Variants in ATG5 observed in about 807,000 individuals in gnomAD.
ATG5 encodes autophagy protein 5.
ATG5 carries 14 observed loss-of-function variants against 36.5 expected under a neutral mutation model. The ratio of observed to expected loss-of-function variants is 0.38; its 90% CI spans 0.25 to 0.60. The LOEUF (loss-of-function observed/expected upper bound fraction) is 0.60, where lower values mean the gene tolerates loss of function less well. Among genes scored for constraint, ATG5 ranks in the 20% least tolerant of loss-of-function variants. The pLI is 0.60. For missense variants in ATG5, 195 were observed against 326.7 expected, an observed-to-expected ratio of 0.60 and a Z score of 3.11; for synonymous variants, 95 against 101.5, an observed-to-expected ratio of 0.94 and a Z score of 0.38.
chr6:106,252,107 C>T (rs1379120140), intron 5 of ATG5, among the ~76,000 whole-genome samples: 5 of 152,172 alleles, frequency 3.3e-5, no homozygotes, highest in African/African-American at 9.7e-5. Context: ...TCCCAAAGTG[C>T]TGGATTACAG....
rs1430967279 is a variant in ATG5, at chr6:106,199,947, T to G, written c.691+2025A>C. Among the ~76,000 whole-genome samples, 4 of 152,260 alleles carry G rather than the reference T, an allele frequency of 2.6e-5. No homozygotes were observed. In the East Asian group the frequency reaches 7.7e-4, roughly 29 times the overall value. ...TTCAAGGAAGACTTTATAAAATGTA[T>G]TTATAACCTCTTAAATCCTGTTCAG... On this transcript the variant is annotated intron_variant, in intron 7 of 7. Coordinates refer to ENST00000369076, the MANE Select transcript of ATG5 (RefSeq NM_004849.4).
chr6:106,186,893 T>C (rs1179022914), intron 7 of ATG5, among the ~76,000 whole-genome samples: 1 of 152,222 alleles, frequency 6.6e-6, no homozygotes, highest in East Asian at 1.9e-4. Flanking sequence ...AAAAATTCTG[T>C]TGCTGTATGT....
rs57955030 is a variant in ATG5, at chr6:106,206,648, C to CA, written c.574-4560dup. Among the ~76,000 whole-genome samples, 654 of 118,114 alleles carry CA rather than the reference C, an allele frequency of 5.5e-3. 2 individuals carry two copies. Among genetic ancestry groups the CA allele is most frequent in the African/African-American group, 0.011 (360 of 32,430 alleles). The allele number at this position is 118,114 out of a possible 152,430, so 77.5% of individuals were successfully genotyped here. ...CTGGGCAACAAGAGGGAAACTGTCT[C>CA]AAAAAAAAAAAAAAAAAGTACACAC... On this transcript the variant is annotated intron_variant, in intron 6 of 7. Transcript: ENST00000369076.
At chr6:106,293,695 T>G (rs1780417473) in intron 3 of ATG5, among the ~76,000 whole-genome samples, 2 of 152,216 alleles carry the variant, frequency 1.3e-5, no homozygotes, top group African/African-American at 4.8e-5. Context: ...CCACTGAATA[T>G]TCTTCTGAAA....
chr6:106,238,299 A>G (rs1777977802), intron 6 of ATG5, among the ~76,000 whole-genome samples: 1 of 152,202 alleles, frequency 6.6e-6, no homozygotes, highest in Non-Finnish European at 1.5e-5. Flanking sequence ...CATACTTTTA[A>G]GCACAGATTC....
intron 2 of ATG5, 140 bp downstream of exon 2, chr6:106,315,961 T>C: frequency 1.6e-6 from 1 of 632,832 alleles, no homozygotes; most frequent in Non-Finnish European, 2.7e-6. Flanking sequence ...TTTATGCTTA[T>C]CTGTGTTAAT....
At chr6:106,279,904 AGT>A (rs1779811637) in intron 4 of ATG5, 81 bp from the exon 5 acceptor site, 5 of 948,856 alleles carry the variant, frequency 5.3e-6, no homozygotes, top group Non-Finnish European at 4.3e-6. Context: ...TATATCCCCC[AGT>A]TTTTCAATAT....
chr6:106,309,313 T>C (rs1770561251), intron 2 of ATG5, among the ~76,000 whole-genome samples: 1 of 152,162 alleles, frequency 6.6e-6, no homozygotes, highest in South Asian at 2.1e-4. Flanking sequence ...CTGACAAATA[T>C]ATACAGAAAG....
At chr6:106,197,955 C>T (rs1776266214) in intron 7 of ATG5, among the ~76,000 whole-genome samples, 1 of 152,052 alleles carries the variant, frequency 6.6e-6, no homozygotes, top group Non-Finnish European at 1.5e-5. Flanking sequence ...AGTGCTGCCA[C>T]GGACAGGTAA....
At chr6:106,276,325 A>G (rs1353602992) in intron 5 of ATG5, among the ~76,000 whole-genome samples, 1 of 152,056 alleles carries the variant, frequency 6.6e-6, no homozygotes, top group Non-Finnish European at 1.5e-5. Flanking sequence ...TTAGCCAGGC[A>G]CGGTGGCAGC....
chr6:106,289,394 T>C (rs1780212615), intron 4 of ATG5, among the ~76,000 whole-genome samples: 3 of 150,404 alleles, frequency 2.0e-5, no homozygotes, highest in African/African-American at 4.9e-5. Context: ...TGGAACTTAG[T>C]ATATACAGAA....
At chr6:106,203,787 C>T (rs909451727) in intron 6 of ATG5, among the ~76,000 whole-genome samples, 21 of 152,228 alleles carry the variant, frequency 1.4e-4, no homozygotes, top group Admixed American at 7.2e-4. Flanking sequence ...CACTATGTTG[C>T]CCAGGCTGCC....
Position 106,186,518 on chromosome 6 carries a change from G to A in ATG5, c.*22C>T, listed in dbSNP as rs1775774091. 6.2e-7 allele frequency: 1 copy of A among 1,611,444 alleles called. No individual in the cohort carries two copies. Among genetic ancestry groups the A allele is most frequent in the African/African-American group, 1.3e-5 (1 of 74,844 alleles). On this transcript the variant is annotated 3_prime_UTR_variant, in exon 8 of 8. Transcript: ENST00000369076. ...ATAAATCCCATTTAAGGATGATTCT[G>A]TTCAGGCAAATAGTTGATCCTTCAA... is the stretch of plus-strand genomic sequence containing the variant.
At chr6:106,319,252 T>C (rs921976622) in intron 1 of ATG5, among the ~76,000 whole-genome samples, 1 of 152,176 alleles carries the variant, frequency 6.6e-6, no homozygotes, top group African/African-American at 2.4e-5. Context: ...GTCTCAAAAA[T>C]GTTTAAAAGT....
At chr6:106,291,392 T>G (rs530233325) in intron 4 of ATG5, among the ~76,000 whole-genome samples, 2 of 152,332 alleles carry the variant, frequency 1.3e-5, no homozygotes, top group South Asian at 4.1e-4. Flanking sequence ...CACCCACAGT[T>G]TTAACCACCA....
chr6:106,253,769 C>T (rs1340025248), intron 5 of ATG5, among the ~76,000 whole-genome samples: 1 of 152,066 alleles, frequency 6.6e-6, no homozygotes, highest in Non-Finnish European at 1.5e-5. Context: ...AAACATAATG[C>T]TTTATGATGC....
chr6:106,257,174 C>T (rs1778834645), intron 5 of ATG5, among the ~76,000 whole-genome samples: 1 of 152,110 alleles, frequency 6.6e-6, no homozygotes, highest in African/African-American at 2.4e-5. Flanking sequence ...TCTTTAGGGG[C>T]AATAACATGA....
chr6:106,240,129 A>G (rs1336119683), intron 6 of ATG5, among the ~76,000 whole-genome samples: 1 of 152,026 alleles, frequency 6.6e-6, no homozygotes, highest in Non-Finnish European at 1.5e-5. Flanking sequence ...AACAGCTGGG[A>G]GAGATGTGTG....
At chr6:106,276,887 T>C (rs188265269) in intron 5 of ATG5, among the ~76,000 whole-genome samples, 55 of 152,304 alleles carry the variant, frequency 3.6e-4, no homozygotes, top group Non-Finnish European at 5.7e-4. Flanking sequence ...GTGTAAATTA[T>C]TGTAATCATT....
Sources: allele counts gnomAD v4.1 joint callset (sites outside exome capture counted in the v4.1 genomes callset), GRCh38; gene constraint gnomAD v4.1.1; transcripts MANE v1.5; gene names NCBI Gene and HGNC (gene_info 2026-07-23, HGNC 2026-07-21).